The following UNC80 variants were observed in gnomAD, a reference collection of about 807,000 sequenced individuals.
UNC80 encodes the protein unc-80 subunit of NALCN channel complex.
A neutral mutation model predicts 384.6 loss-of-function variants in UNC80; 164 were observed. The ratio of observed to expected loss-of-function variants is 0.43; its 90% CI spans 0.38 to 0.49. The LOEUF (loss-of-function observed/expected upper bound fraction) is 0.49, where lower values mean the gene tolerates loss of function less well. Ranked by LOEUF, UNC80 falls within the 20% of genes least tolerant of loss-of-function variation. The probability of loss-of-function intolerance (pLI) is 0.00; values close to 1 mark genes in which losing one functional copy is unlikely to be tolerated. For synonymous variants in UNC80, 1,486 were observed against 1,527.8 expected, an observed-to-expected ratio of 0.97 and a Z score of 0.64; for missense variants, 3,330 against 4,143.0, an observed-to-expected ratio of 0.80 and a Z score of 5.39.
chr2:209,942,786 T>C (rs2091711202), intron 44 of UNC80, among the ~76,000 whole-genome samples: 1 of 151,978 alleles, frequency 6.6e-6, no homozygotes, highest in Non-Finnish European at 1.5e-5. Flanking sequence ...AAAGAAAAGA[T>C]AAGGCTCACT....
Position 209,976,377 on chromosome 2 carries a change from TG to T in UNC80, c.8772+76del. On this transcript the variant is annotated intron_variant, in intron 57 of 64. Coordinates refer to ENST00000673920, the MANE Select transcript of UNC80 (RefSeq NM_001371986.1). The surrounding 1 kb of genome is among the most constrained non-coding windows in gnomAD (Gnocchi z 4.3). Reference sequence around the variant, plus strand: ...GTGGCTCTCTACTGAGGCAGGAATATGGCAGGAGTGCTCATGGTACCTACTG... The same window carrying T: ...GTGGCTCTCTACTGAGGCAGGAATATGCAGGAGTGCTCATGGTACCTACTG... The T allele has an allele frequency of 6.5e-7, 1 of 1,537,978 alleles. No individual in the cohort carries two copies. The highest frequency in any genetic ancestry group is 8.8e-7 in the Non-Finnish European group (1 of 1,136,356).
rs1385240854 is a variant in UNC80 at position 209,922,284 on chromosome 2, C to A, written c.5563C>A (p.Leu1855Met). 2 of 1,552,248 alleles carry A rather than the reference C, an allele frequency of 1.3e-6. No individual in the cohort carries two copies. The highest frequency in any genetic ancestry group is 8.7e-7 in the Non-Finnish European group (1 of 1,147,100). Reference sequence around the variant, plus strand: ...AGTCACCAATCTGGCATCCCGTCGACTGTCTGTGAGTCCATCCTGCACCTC... The same window carrying A: ...AGTCACCAATCTGGCATCCCGTCGAATGTCTGTGAGTCCATCCTGCACCTC... ...EEVTNLASRR[L>M]SVSPSCTSST... The change falls in exon 35 of 65, where the codon CTG becomes ATG. Residue 1855 changes from leucine (L) to methionine (M), a missense_variant. Coordinates refer to ENST00000673920, the MANE Select transcript of UNC80 (RefSeq NM_001371986.1).
chr2:209,793,045 G>A (rs2077923340), intron 6 of UNC80, among the ~76,000 whole-genome samples: 1 of 152,134 alleles, frequency 6.6e-6, no homozygotes, highest in Admixed American at 6.5e-5. Context: ...AATTAAAATC[G>A]TAAGGGCTAA....
In UNC80 at chr2:209,866,415, T is replaced by A. The variant is rs114223922; in HGVS notation, c.3628-6343T>A. 7.1e-3 allele frequency among the ~76,000 whole-genome samples: 1,084 copies of A among 151,702 alleles called. 8 individuals carry two copies. Among genetic ancestry groups the A allele is most frequent in the Middle Eastern group, 0.034 (10 of 294 alleles). ...AACATTTGACAATGTCTGGAGGAAT[T>A]TTCAGTTGTCACAACTTGGGGATTG... is the stretch of plus-strand genomic sequence containing the variant. On this transcript the variant is annotated intron_variant, in intron 22 of 64. Coordinates refer to ENST00000673920, the MANE Select transcript of UNC80 (RefSeq NM_001371986.1).
At chr2:209,870,189 C>T (rs537571514) in intron 22 of UNC80, among the ~76,000 whole-genome samples, 5 of 152,222 alleles carry the variant, frequency 3.3e-5, no homozygotes, top group African/African-American at 1.2e-4. Context: ...AGCAGTGTTA[C>T]CTATGTCTTT....
At position 209,820,650 on chromosome 2, in the gene UNC80, T is replaced by C; in HGVS notation, c.2302T>C (p.Tyr768His). 1 of 1,544,390 alleles carries C rather than the reference T, an allele frequency of 6.5e-7. No homozygotes were observed. The highest frequency in any genetic ancestry group is 8.7e-7 in the Non-Finnish European group (1 of 1,143,938). Residue 768 changes from tyrosine (Y) to histidine (H), a missense_variant, in exon 13 of 65, where the codon TAT (tyrosine) becomes CAT (histidine). By Grantham distance (83) the Tyr-to-His change is moderately conservative. This residue lies in a region of UNC80 where 937 missense variants were observed against 1,026.8 expected (regional missense o/e 0.91). Transcript: ENST00000673920. The part of the protein sequence containing the change: ...GGGGGGGGGP[Y>H]EKNDKNQEKD... ...AGGTGGAGGAGGTGGAGGCGGCCCT[T>C]ATGAGAAGAATGATAAGAACCAAGA...
chr2:209,864,835 G>A (rs2083599874), intron 22 of UNC80, among the ~76,000 whole-genome samples: 1 of 152,226 alleles, frequency 6.6e-6, no homozygotes, highest in African/African-American at 2.4e-5. Flanking sequence ...CCCACAAGGA[G>A]TTCAAATGGC....
At chr2:209,804,470 A>T (rs1410470980) in intron 7 of UNC80, among the ~76,000 whole-genome samples, 1 of 152,088 alleles carries the variant, frequency 6.6e-6, no homozygotes, top group African/African-American at 2.4e-5. Flanking sequence ...TTGGGAGTCT[A>T]ATAGCCTCTT....
Position 209,959,631 on chromosome 2 carries a change from C to A in UNC80, c.7729C>A (p.Leu2577Met). 1 of 1,551,708 alleles carries A rather than the reference C, an allele frequency of 6.4e-7. No homozygotes were observed. Among genetic ancestry groups the A allele is most frequent in the African/African-American group, 1.4e-5 (1 of 73,142 alleles). Residue 2577 changes from leucine (L) to methionine (M), a missense_variant, in exon 51 of 65, where the codon CTG becomes ATG. Around this residue, in one of 8 missense-constraint regions of UNC80, gnomAD observed 1,049 missense variants for 1,488.6 expected, o/e 0.70. Transcript: ENST00000673920. Reference protein sequence around the residue: ...TEFYKHCGPRLKILQNLAGEP... With the variant: ...TEFYKHCGPRMKILQNLAGEP... ...GTTCTATAAGCACTGTGGGCCACGG[C>A]TGAAGATCTTGCAAAATCTGGCTGG...
At chr2:209,844,632 C>T (rs1174204388) in intron 21 of UNC80, among the ~76,000 whole-genome samples, 3 of 150,894 alleles carry the variant, frequency 2.0e-5, no homozygotes, top group African/African-American at 7.3e-5. Context: ...CCCTGTCACC[C>T]ATGCTGGAGT....
intron 55 of UNC80, 84 bp downstream of exon 55, chr2:209,972,408 C>T: frequency 7.3e-6 from 11 of 1,501,984 alleles, no homozygotes; most frequent in South Asian, 6.4e-5. Context: ...TTCCTGTTCC[C>T]ATGAAGGCTA....
Position 209,967,545 on chromosome 2 carries a change from C to T in UNC80, c.7914C>T (p.Asp2638=). 6.4e-7 allele frequency: 1 copy of T among 1,551,582 alleles called. No homozygotes were observed. The highest frequency in any genetic ancestry group is 1.2e-5 in the South Asian group (1 of 84,060). ...RYIMEMLPIT[D]WTAEAVRPAL... Reference sequence around the variant, plus strand: ...TCATGGAGATGCTACCCATTACTGACTGGACAGCTGAGGCAGTGAGGCCGG... The same window carrying T: ...TCATGGAGATGCTACCCATTACTGATTGGACAGCTGAGGCAGTGAGGCCGG... The change falls in exon 52 of 65, where the codon GAC becomes GAT. Residue 2638 remains aspartate, a synonymous_variant. Coordinates refer to ENST00000673920, the MANE Select transcript of UNC80 (RefSeq NM_001371986.1).
At chr2:209,917,577 A>G (rs1415043128) in intron 31 of UNC80, among the ~76,000 whole-genome samples, 200 bp from the exon 32 acceptor site, 4 of 152,186 alleles carry the variant, frequency 2.6e-5, no homozygotes, top group Non-Finnish European at 5.9e-5. Flanking sequence ...CTGAAATGTC[A>G]TGTTGTTGCT....
At chr2:209,912,183 G>T (rs1228535316) in intron 29 of UNC80, among the ~76,000 whole-genome samples, 2 of 152,116 alleles carry the variant, frequency 1.3e-5, no homozygotes, top group Non-Finnish European at 2.9e-5. Context: ...TATTTTAAAA[G>T]ATTTGTGTTT....
chr2:209,898,197 G>A (rs536184111), intron 28 of UNC80, among the ~76,000 whole-genome samples: 53 of 152,000 alleles, frequency 3.5e-4, no homozygotes, highest in African/African-American at 1.2e-3. Context: ...TTTTTAGAAT[G>A]TTGAATTTTT....
In UNC80 at chr2:209,933,981, C is replaced by T. The variant is rs749748708; in HGVS notation, c.6154C>T (p.Leu2052Phe). 2 of 1,548,724 alleles carry T rather than the reference C, an allele frequency of 1.3e-6. No homozygotes were observed. The highest frequency in any genetic ancestry group is 2.4e-5 in the South Asian group (2 of 83,744). Residue 2052 changes from leucine to phenylalanine, a missense_variant, in exon 39 of 65, where the codon CTC (leucine) becomes TTC (phenylalanine). By Grantham distance (22) the Leu-to-Phe change is conservative. Coordinates refer to ENST00000673920, the MANE Select transcript of UNC80 (RefSeq NM_001371986.1). Reference protein sequence around the residue: ...TMKKEQCEVKLLVTASMPGTK... With the variant: ...TMKKEQCEVKFLVTASMPGTK... ...GAAGAAGGAGCAGTGTGAGGTGAAG[C>T]TCCTGGTGACCGCTTCAATGCCAGG...
intron 21 of UNC80, among the ~76,000 whole-genome samples, chr2:209,847,075 T>C (rs1323825679): frequency 6.6e-6 from 1 of 152,082 alleles, no homozygotes; most frequent in African/African-American, 2.4e-5. Flanking sequence ...TGCAGGTTTG[T>C]GCACTCTCAG....
intron 7 of UNC80, among the ~76,000 whole-genome samples, chr2:209,808,009 A>G (rs2079017143): frequency 6.6e-6 from 1 of 152,216 alleles, no homozygotes; most frequent in African/African-American, 2.4e-5. Context: ...TTGATTACAT[A>G]AGATACGGAT....
At chr2:209,963,959 G>T (rs1187689826) in intron 51 of UNC80, among the ~76,000 whole-genome samples, 1 of 152,156 alleles carries the variant, frequency 6.6e-6, no homozygotes, top group Non-Finnish European at 1.5e-5. Context: ...AAGTTGCCTT[G>T]TACAGTAGTG....
Sources: gnomAD v4.1 joint callset for allele counts (sites outside exome capture counted in the v4.1 genomes callset) on GRCh38, gnomAD v4.1.1 for gene constraint, gnomAD v4.1.1 regional missense constraint, Gnocchi (gnomAD v3.1) non-coding constraint, MANE v1.5 for transcripts, NCBI Gene and HGNC (gene_info 2026-07-23, HGNC 2026-07-21) for gene names.